OR56A3: variants seen among roughly 807,000 people sequenced by gnomAD.
OR56A3 encodes the protein olfactory receptor 56A3.
OR56A3 carries 23 observed loss-of-function variants against 17.5 expected under a neutral mutation model. The observed-to-expected ratio is 1.32, with a 90% CI of 0.95 to 1.87. The LOEUF (loss-of-function observed/expected upper bound fraction) is 1.87. OR56A3 is among the 40% of genes most tolerant of loss of function. OR56A3 has a pLI of 0.00. For synonymous variants in OR56A3, 175 were observed against 150.6 expected (o/e 1.16, Z -1.19); for missense variants, 366 against 380.1 (o/e 0.96, Z 0.31).
intron 2 of OR56A3, among the ~76,000 whole-genome samples, chr11:5,946,791 A>T (rs186375442): frequency 1.3e-5 from 2 of 152,364 alleles, no homozygotes; most frequent in East Asian, 1.9e-4. Flanking sequence ...TGTATGATTT[A>T]AAAAATCTCT....
the OR56A3 span, among the ~76,000 whole-genome samples, chr11:5,984,479 T>G: frequency 6.6e-6 from 1 of 152,216 alleles, no homozygotes; most frequent in African/African-American, 2.4e-5. Context: ...TTCACATTTC[T>G]GTCTTGTGAT....
At chr11:6,003,124 A>G in the OR56A3 span, 4 of 1,577,950 alleles carry the variant, frequency 2.5e-6, no homozygotes, top group Admixed American at 7.4e-5. Context: ...TGTCCCAATA[A>G]AGTTTTTAAA....
At chr11:5,968,464 G>C in the OR56A3 span, 1 of 1,561,624 alleles carries the variant, frequency 6.4e-7, no homozygotes, top group Admixed American at 1.9e-5. Context: ...TCAAAGACTG[G>C]GGAAGTGGAG....
At chr11:5,997,386 A>G in the OR56A3 span, among the ~76,000 whole-genome samples, 1 of 152,156 alleles carries the variant, frequency 6.6e-6, no homozygotes, top group Non-Finnish European at 1.5e-5. Flanking sequence ...AGGATGCTGT[A>G]CTGTAATTGC....
At chr11:5,968,660 T>C in the OR56A3 span, among the ~76,000 whole-genome samples, 1 of 152,306 alleles carries the variant, frequency 6.6e-6, no homozygotes, top group East Asian at 1.9e-4. Flanking sequence ...GTTTAGTAAA[T>C]ATTAACATAA....
chr11:5,982,666 G>A, the OR56A3 span, among the ~76,000 whole-genome samples: 1 of 152,140 alleles, frequency 6.6e-6, no homozygotes, highest in Admixed American at 6.5e-5. Context: ...TGGGGGATGG[G>A]TGTCTCTGTG....
At chr11:5,962,683 C>A in the OR56A3 span, among the ~76,000 whole-genome samples, 1 of 152,112 alleles carries the variant, frequency 6.6e-6, no homozygotes, top group East Asian at 1.9e-4. Context: ...GGACTACAGG[C>A]GCCTGCCACC....
Position 5,947,530 on chromosome 11 carries a change from C to A in OR56A3, c.184C>A (p.Pro62Thr). 6.2e-7 allele frequency: 1 copy of A among 1,614,036 alleles called. No homozygotes were observed. The highest frequency in any genetic ancestry group is 1.3e-5 in the African/African-American group (1 of 75,034). Residue 62 changes from proline (P) to threonine (T), a missense_variant, in exon 3 of 3, where the codon CCC becomes ACC. Pro to Thr is a conservative substitution (Grantham distance 38, BLOSUM62 -1). Coordinates refer to ENST00000641160, the MANE Select transcript of OR56A3 (RefSeq NM_001003443.3). ...CTGGCTGGAGGCCTCTCTGCACCAG[C>A]CCCTGTACTACCTGCTCAGCCTCCT... ...TIWLEASLHQPLYYLLSLLSL... is the reference protein window; with the variant it reads ...TIWLEASLHQTLYYLLSLLSL...
the OR56A3 span, chr11:5,994,555 G>T: frequency 3.1e-6 from 3 of 965,454 alleles, no homozygotes; most frequent in African/African-American, 4.8e-5. Flanking sequence ...TGAGAGCCTC[G>T]ATCTCTGTCT....
the OR56A3 span, chr11:6,002,896 G>A: frequency 2.5e-6 from 4 of 1,613,994 alleles, no homozygotes; most frequent in African/African-American, 5.3e-5. Flanking sequence ...AGGCTGAGGG[G>A]CAGAGACAAC....
At chr11:6,005,066 C>A in the OR56A3 span, among the ~76,000 whole-genome samples, 6 of 152,068 alleles carry the variant, frequency 3.9e-5, no homozygotes, top group African/African-American at 1.2e-4. Flanking sequence ...CAAGCAGAAA[C>A]AAATGACAAT....
chr11:6,021,131 G>C, the OR56A3 span: 1 of 152,066 alleles, frequency 6.6e-6, no homozygotes, highest in Non-Finnish European at 1.5e-5. Context: ...TTATGCCTAA[G>C]AAAATCCTTT....
At chr11:5,980,770 T>C in the OR56A3 span, among the ~76,000 whole-genome samples, 1 of 152,228 alleles carries the variant, frequency 6.6e-6, no homozygotes, top group African/African-American at 2.4e-5. Flanking sequence ...CTTTGTAGTG[T>C]CAATAGTCTA....
At chr11:5,974,720 C>G in the OR56A3 span, among the ~76,000 whole-genome samples, 13,558 of 152,164 alleles carry the variant, frequency 0.089, 1,183 homozygotes, top group African/African-American at 0.23. Context: ...AAAATCCTAG[C>G]ACCATCACTT....
chr11:6,002,134 G>C, the OR56A3 span: 1 of 1,614,138 alleles, frequency 6.2e-7, no homozygotes, highest in Non-Finnish European at 8.5e-7. Context: ...AGAGCTGGGG[G>C]AATGAGGTGG....
chr11:5,999,877 GAAT>G, the OR56A3 span: 1 of 152,204 alleles, frequency 6.6e-6, no homozygotes, highest in African/African-American at 2.4e-5. Context: ...CAAGATGCAA[GAAT>G]AATGATTCCA....
In OR56A3 at chr11:5,949,089, G is replaced by C. The variant is rs1189591864; in HGVS notation, c.*795G>C. The C allele has an allele frequency of 6.6e-6, 1 of 152,150 alleles. No individual in the cohort carries two copies. Among genetic ancestry groups the C allele is most frequent in the Non-Finnish European group, 1.5e-5 (1 of 68,044 alleles). 9.4% of individuals were successfully genotyped at this position (152,150 alleles called of 1,614,324 possible). A position where few individuals can be genotyped will look rare whatever the true frequency, so the allele number is the denominator to read the frequency against. On this transcript the variant is annotated 3_prime_UTR_variant, in exon 3 of 3. Coordinates refer to ENST00000641160, the MANE Select transcript of OR56A3 (RefSeq NM_001003443.3). Reference sequence around the variant, plus strand: ...ATGAGTCAAAAGATTGCTGGTATTAGAGCATACAATCTAGCAATAATATTG... The same window carrying C: ...ATGAGTCAAAAGATTGCTGGTATTACAGCATACAATCTAGCAATAATATTG...
chr11:6,002,259 C>T, the OR56A3 span: 5 of 1,614,080 alleles, frequency 3.1e-6, no homozygotes, highest in Non-Finnish European at 3.4e-6. Flanking sequence ...GAAGTGGGAA[C>T]CACACGTGCT....
chr11:6,004,747 A>G, the OR56A3 span, among the ~76,000 whole-genome samples: 1 of 152,310 alleles, frequency 6.6e-6, no homozygotes, highest in Non-Finnish European at 1.5e-5. Flanking sequence ...GATTGAACTA[A>G]TTCACCTTAT....
Sources: gnomAD v4.1 joint callset for allele counts (sites outside exome capture counted in the v4.1 genomes callset) on GRCh38, gnomAD v4.1.1 for gene constraint, MANE v1.5 for transcripts, NCBI Gene and HGNC (gene_info 2026-07-23, HGNC 2026-07-21) for gene names.